Variants in KIAA1328 observed in about 807,000 individuals in gnomAD.
KIAA1328 encodes protein hinderin.
Under a neutral mutation model 68.1 loss-of-function variants are expected in KIAA1328, and 52 were observed. That is an observed-to-expected ratio of 0.76 (90% confidence interval 0.61 to 0.96). The LOEUF is 0.96. Ranked by LOEUF, KIAA1328 falls within the 40% of genes least tolerant of loss-of-function variation. The pLI, the probability that KIAA1328 is intolerant of heterozygous loss-of-function variation, is 0.00. For missense variants in KIAA1328, 641 were observed against 677.6 expected (o/e 0.95, Z 0.60); for synonymous variants, 232 against 239.4 (o/e 0.97, Z 0.28).
Position 37,023,816 on chromosome 18 carries a change from AC to A in KIAA1328, c.577-43073del, listed in dbSNP as rs760636561. On this transcript the variant is annotated intron_variant, in intron 6 of 9. Coordinates refer to ENST00000280020, the MANE Select transcript of KIAA1328 (RefSeq NM_020776.3). ...ATTTATTTATTTGTTTTTCCAACTT[AC>A]ATTTTAGGTTCCAAGGGTACATATA... 2.0e-5 allele frequency among the ~76,000 whole-genome samples: 3 copies of A among 152,098 alleles called. No homozygotes were observed. In the East Asian group the frequency reaches 5.8e-4, roughly 29 times the overall value.
At chr18:36,950,327 G>T (rs532451129) in intron 5 of KIAA1328, among the ~76,000 whole-genome samples, 1 of 152,064 alleles carries the variant, frequency 6.6e-6, no homozygotes, top group Non-Finnish European at 1.5e-5. Flanking sequence ...GTCTATTTAT[G>T]GTTTGTTTCC....
chr18:36,998,064 C>T (rs1270677640), intron 6 of KIAA1328, among the ~76,000 whole-genome samples: 1 of 152,140 alleles, frequency 6.6e-6, no homozygotes, highest in African/African-American at 2.4e-5. Context: ...AGGGTCGCCC[C>T]ACCCTGCCCA....
intron 5 of KIAA1328, among the ~76,000 whole-genome samples, chr18:36,937,560 C>G: frequency 6.6e-6 from 1 of 152,128 alleles, no homozygotes; most frequent in East Asian, 1.9e-4. Context: ...TGAACAGACA[C>G]TTCTCAAAAG....
chr18:37,002,232 T>TC (rs200875492), intron 6 of KIAA1328, among the ~76,000 whole-genome samples: 13 of 126,462 alleles, frequency 1.0e-4, no homozygotes, highest in African/African-American at 3.4e-4. Context: ...TTTTTTCTTT[T>TC]TTTTTTTTTT....
At chr18:37,181,476 A>G (rs1380507107) in intron 9 of KIAA1328, among the ~76,000 whole-genome samples, 7 of 152,078 alleles carry the variant, frequency 4.6e-5, no homozygotes, top group African/African-American at 1.2e-4. Flanking sequence ...TAGTTAAGTC[A>G]TGATGTTGGG....
intron 7 of KIAA1328, among the ~76,000 whole-genome samples, chr18:37,138,164 G>A (rs758572611): frequency 2.4e-4 from 37 of 152,132 alleles, no homozygotes; most frequent in Non-Finnish European, 4.4e-4. Flanking sequence ...TATGTGCTGA[G>A]CATTCTTTTA....
chr18:36,905,959 G>A (rs1031899831), intron 5 of KIAA1328, among the ~76,000 whole-genome samples: 3 of 152,102 alleles, frequency 2.0e-5, no homozygotes, highest in African/African-American at 7.2e-5. Context: ...TAATTGCTCA[G>A]TGCCAGTATA....
At chr18:37,071,048 T>A (rs1480549041) in intron 7 of KIAA1328, among the ~76,000 whole-genome samples, 1 of 148,794 alleles carries the variant, frequency 6.7e-6, no homozygotes, top group African/African-American at 2.5e-5. Context: ...GTTTTTGATT[T>A]TTTTCTTCCT....
chr18:37,124,325 T>G (rs1464442127), intron 7 of KIAA1328, among the ~76,000 whole-genome samples: 1 of 152,058 alleles, frequency 6.6e-6, no homozygotes, highest in Non-Finnish European at 1.5e-5. Context: ...ATTCCCTCCT[T>G]CCCTCACCTC....
intron 4 of KIAA1328, among the ~76,000 whole-genome samples, chr18:36,878,016 A>G (rs554364847): frequency 6.6e-5 from 10 of 152,192 alleles, no homozygotes; most frequent in African/African-American, 2.2e-4. Flanking sequence ...CTTTAAGGTT[A>G]ACATTGTTAT....
At chr18:37,225,561 C>T (rs2060629952), downstream of KIAA1328, among the ~76,000 whole-genome samples, 1 of 152,198 alleles carries the variant, frequency 6.6e-6, no homozygotes. Context: ...CACCAAGCCG[C>T]CTCTAGATTT....
intron 6 of KIAA1328, among the ~76,000 whole-genome samples, chr18:37,053,588 A>G (rs919896525): frequency 2.0e-5 from 3 of 152,190 alleles, no homozygotes; most frequent in African/African-American, 7.2e-5. Flanking sequence ...ACAGTGCTAT[A>G]AAGAAATACC....
chr18:36,920,033 C>G (rs138004226), intron 5 of KIAA1328, among the ~76,000 whole-genome samples: 1 of 152,210 alleles, frequency 6.6e-6, no homozygotes, highest in African/African-American at 2.4e-5. Flanking sequence ...TTTATTTACT[C>G]TGTTGATAGT....
chr18:36,930,290 C>T (rs1294927875), intron 5 of KIAA1328, among the ~76,000 whole-genome samples: 1 of 152,212 alleles, frequency 6.6e-6, no homozygotes, highest in East Asian at 1.9e-4. Flanking sequence ...GTCTCTCTCT[C>T]CTTAGAATGG....
At chr18:36,894,961 T>A (rs2048821439) in intron 5 of KIAA1328, among the ~76,000 whole-genome samples, 1 of 152,212 alleles carries the variant, frequency 6.6e-6, no homozygotes, top group Non-Finnish European at 1.5e-5. Flanking sequence ...ATGTGTGACC[T>A]TCATTTTTAT....
intron 9 of KIAA1328, among the ~76,000 whole-genome samples, chr18:37,214,830 G>C (rs1160717575): frequency 6.6e-6 from 1 of 152,126 alleles, no homozygotes; most frequent in African/African-American, 2.4e-5. Context: ...ATTTCATTGA[G>C]CAGTGGTTTG....
rs2060620120 is a variant in KIAA1328 at position 37,224,913 on chromosome 18, G to T, written c.*2686G>T. ...ATGTCCTTTGAACTCCCTAAGTAAGGCCCACAGTTCTTGATGCAGAGAACC... is the reference window on the plus strand; with the variant it reads ...ATGTCCTTTGAACTCCCTAAGTAAGTCCCACAGTTCTTGATGCAGAGAACC... On this transcript the variant is annotated 3_prime_UTR_variant, in exon 10 of 10. Coordinates refer to ENST00000280020, the MANE Select transcript of KIAA1328 (RefSeq NM_020776.3). 1 of 985,414 alleles carries T rather than the reference G, an allele frequency of 1.0e-6. No homozygotes were observed. Among genetic ancestry groups the T allele is most frequent in the South Asian group, 4.7e-5 (1 of 21,286 alleles). The allele number at this position is 985,414 out of a possible 1,614,324, so 61.0% of individuals were successfully genotyped here. A position where few individuals can be genotyped will look rare whatever the true frequency, so the allele number is the denominator to read the frequency against.
At chr18:36,953,467 A>T (rs2051260492) in intron 5 of KIAA1328, among the ~76,000 whole-genome samples, 1 of 150,492 alleles carries the variant, frequency 6.6e-6, no homozygotes, top group African/African-American at 2.4e-5. Context: ...TAAATATAGA[A>T]ATATATACAT....
intron 4 of KIAA1328, among the ~76,000 whole-genome samples, chr18:36,868,606 A>C (rs879392251): frequency 2.6e-5 from 4 of 152,150 alleles, no homozygotes; most frequent in Admixed American, 2.6e-4. Context: ...TCTTTAAAGG[A>C]AAAAAGTTTC....
Sources: allele counts gnomAD v4.1 joint callset (sites outside exome capture counted in the v4.1 genomes callset), GRCh38; gene constraint gnomAD v4.1.1; transcripts MANE v1.5; gene names NCBI Gene and HGNC (gene_info 2026-07-23, HGNC 2026-07-21).